Variants in SMIM27 observed in about 807,000 individuals in gnomAD.
SMIM27 encodes TOPORS antisense RNA 1 (non-protein coding).
In SMIM27, 3 loss-of-function variants were observed where a neutral mutation model predicts 1.8. The observed-to-expected ratio is 1.65, with a 90% CI of 0.75 to 4.28. The LOEUF is 4.28. Ranked by LOEUF, SMIM27 falls within the 30% of genes most tolerant of loss-of-function variation. SMIM27 has a pLI of 0.02. For synonymous variants in SMIM27, 19 were observed against 13.9 expected (o/e 1.37, Z -0.82); for missense variants, 63 against 37.0 (o/e 1.70, Z -1.83).
upstream of SMIM27, chr9:32,551,253 A>C (rs1293804097): frequency 5.3e-6 from 3 of 571,246 alleles, no homozygotes; most frequent in Non-Finnish European, 9.4e-6. Context: ...TACCCGGAAA[A>C]CACGAGAACT....
downstream of SMIM27, chr9:32,553,759 GAT>G: frequency 1.4e-6 from 1 of 717,494 alleles, no homozygotes; most frequent in Non-Finnish European, 2.4e-6. Context: ...CTTGAAAACA[GAT>G]ATGACAATTT....
chr9:32,564,890 G>A (rs752847287), intron 1 of SMIM27, among the ~76,000 whole-genome samples: 1 of 152,130 alleles, frequency 6.6e-6, no homozygotes. Context: ...TGAAATTAAC[G>A]ATCGCTCACC....
downstream of SMIM27, among the ~76,000 whole-genome samples, chr9:32,556,174 C>G (rs148608205): frequency 3.4e-3 from 513 of 152,274 alleles, no homozygotes; most frequent in African/African-American, 7.6e-3. Context: ...AGAAAGAAGC[C>G]AAGAGCTGTT....
At chr9:32,558,746 G>GC (rs1821543403) in intron 1 of SMIM27, among the ~76,000 whole-genome samples, 2 of 150,774 alleles carry the variant, frequency 1.3e-5, no homozygotes, top group African/African-American at 4.9e-5. Flanking sequence ...ATTTCTTCCT[G>GC]TTTTTTTTTG....
intron 1 of SMIM27, among the ~76,000 whole-genome samples, chr9:32,564,142 G>A (rs1821708786): frequency 6.6e-6 from 1 of 152,068 alleles, no homozygotes; most frequent in African/African-American, 2.4e-5. Context: ...AAACACGCAT[G>A]CACACATCCA....
intron 1 of SMIM27, chr9:32,566,287 G>T: frequency 8.7e-7 from 1 of 1,153,518 alleles, no homozygotes; most frequent in Non-Finnish European, 1.3e-6. Context: ...GTAGAAAGCA[G>T]GCCATAAAAA....
intron 1 of SMIM27, among the ~76,000 whole-genome samples, chr9:32,563,580 T>A (rs557328353): frequency 2.4e-4 from 36 of 149,198 alleles, no homozygotes; most frequent in African/African-American, 8.2e-4. Flanking sequence ...CACCTCAGCC[T>A]CCCAAAGTGT....
chr9:32,555,324 C>A (rs139222439), downstream of SMIM27, among the ~76,000 whole-genome samples: 164 of 152,254 alleles, frequency 1.1e-3, no homozygotes, highest in African/African-American at 3.6e-3. Context: ...TAAGTTAACA[C>A]AAGAAATCTG....
chr9:32,564,249 T>C (rs1468613454), intron 1 of SMIM27, among the ~76,000 whole-genome samples: 1 of 152,242 alleles, frequency 6.6e-6, no homozygotes, highest in Non-Finnish European at 1.5e-5. Context: ...CCACAAACTT[T>C]TCTTCCTTTT....
At chr9:32,563,382 G>C (rs1436563468) in intron 1 of SMIM27, among the ~76,000 whole-genome samples, 1 of 151,448 alleles carries the variant, frequency 6.6e-6, no homozygotes, top group African/African-American at 2.4e-5. Flanking sequence ...ATGTCACCCA[G>C]GATGGCTGGA....
rs1461957109 is a variant in SMIM27 at position 32,558,172 on chromosome 9, C to CGCAA, written c.45+5694_45+5697dup. 2.8e-5 allele frequency among the ~76,000 whole-genome samples: 4 copies of CGCAA among 143,418 alleles called. No homozygotes were observed. In the East Asian group the frequency reaches 8.0e-4, roughly 29 times the overall value. 94.1% of individuals were successfully genotyped at this position (143,418 alleles called of 152,430 possible). A position where few individuals can be genotyped will look rare whatever the true frequency, so the allele number is the denominator to read the frequency against. ...TGTCACCCAGGCTGGAGTGCAGTGGCGCAACCTCGGCTCACTGCAAGCTCC... is the reference window on the plus strand; with the variant it reads ...TGTCACCCAGGCTGGAGTGCAGTGGCGCAAGCAACCTCGGCTCACTGCAAGCTCC... On this transcript the variant is annotated intron_variant, in intron 1 of 1. Coordinates refer to the SMIM27 transcript ENST00000451672.
intron 1 of SMIM27, 116 bp from the exon 2 acceptor site, chr9:32,552,685 C>G: frequency 3.1e-6 from 2 of 654,140 alleles, no homozygotes; most frequent in East Asian, 5.4e-5. Flanking sequence ...CACTGGAACC[C>G]CATTTATTCG....
downstream of SMIM27, among the ~76,000 whole-genome samples, chr9:32,557,573 A>G (rs1298351025): frequency 3.3e-5 from 5 of 150,964 alleles, no homozygotes; most frequent in East Asian, 7.8e-4. Context: ...TCCGCCTTCC[A>G]GTTTCAAGCA....
rs142936680 is a variant in SMIM27 at position 32,558,746 on chromosome 9, GTTTT to G, written c.45+6273_45+6276del. Among the ~76,000 whole-genome samples, 54 of 150,884 alleles carry G rather than the reference GTTTT, an allele frequency of 3.6e-4. 1 individual carries two copies. In the Middle Eastern group the frequency reaches 0.01, roughly 29 times the overall value. Reference sequence around the variant, plus strand: ...TTGTTACCTCACGGTATTTCTTCCTGTTTTTTTTTGTTTTGTTTTGTTTTTTACA... The same window carrying G: ...TTGTTACCTCACGGTATTTCTTCCTGTTTTTGTTTTGTTTTGTTTTTTACA... On this transcript the variant is annotated intron_variant, in intron 1 of 1. Transcript: ENST00000451672.
chr9:32,561,648 C>T (rs1296241496), intron 1 of SMIM27, among the ~76,000 whole-genome samples: 1 of 152,094 alleles, frequency 6.6e-6, no homozygotes, highest in Non-Finnish European at 1.5e-5. Context: ...CACTTCTATC[C>T]CATCATCAGA....
chr9:32,558,143 G>A (rs1448816975), intron 1 of SMIM27, among the ~76,000 whole-genome samples: 1 of 111,948 alleles, frequency 8.9e-6, no homozygotes, highest in Non-Finnish European at 2.0e-5. Context: ...ACGGAGTCTC[G>A]CTCTGTCACC....
chr9:32,558,894 A>T (rs1176106442), intron 1 of SMIM27: 1 of 1,499,238 alleles, frequency 6.7e-7, no homozygotes, highest in East Asian at 2.3e-5. Context: ...GAAAAATCAG[A>T]AGTGTTAAGA....
rs533971377 is a variant in SMIM27, at chr9:32,566,437, T to C, written c.92T>C (p.Val31Ala). Residue 31 changes from valine (V) to alanine (A), a missense_variant, in exon 2 of 2, where the codon GTT becomes GCT. By Grantham distance (64) the Val-to-Ala change is moderately conservative. Coordinates refer to the SMIM27 transcript ENST00000451672. ...CCTGCTCTCCCTGTTACTGTAGGGG[T>C]TGATGGAGTATCTTGACAAGCAGCC... 47 of 829,882 alleles carry C rather than the reference T, an allele frequency of 5.7e-5. No homozygotes were observed. The East Asian group carries it at 1.1e-3, about 20-fold the overall frequency. The allele number at this position is 829,882 out of a possible 1,614,324, so 51.4% of individuals were successfully genotyped here.
downstream of SMIM27, chr9:32,553,354 A>C (rs539942074): frequency 5.4e-3 from 904 of 167,942 alleles, 7 homozygotes; most frequent in African/African-American, 0.02. Flanking sequence ...ACGCCCGGCT[A>C]ATTTTTTTGT....
Sources: gnomAD v4.1 joint callset for allele counts (sites outside exome capture counted in the v4.1 genomes callset) on GRCh38, gnomAD v4.1.1 for gene constraint, MANE v1.5 for transcripts, NCBI Gene and HGNC (gene_info 2026-07-23, HGNC 2026-07-21) for gene names.